POLN: variants seen among roughly 807,000 people sequenced by gnomAD.
POLN encodes DNA polymerase N.
Under a neutral mutation model 113.5 loss-of-function variants are expected in POLN, and 108 were observed. The observed-to-expected ratio is 0.95, with a 90% CI of 0.81 to 1.12. The LOEUF is 1.12. Among genes scored for constraint, POLN ranks in the 50% most tolerant of loss-of-function variants. The probability of loss-of-function intolerance (pLI) is 0.00; values close to 1 mark genes in which losing one functional copy is unlikely to be tolerated. For missense variants in POLN, 1,097 were observed against 1,077.1 expected, an observed-to-expected ratio of 1.02 and a Z score of -0.26; for synonymous variants, 386 against 391.5, an observed-to-expected ratio of 0.99 and a Z score of 0.17.
At chr4:2,090,048 AT>A in intron 20 of POLN, 1 of 896,388 alleles carries the variant, frequency 1.1e-6, no homozygotes, top group Non-Finnish European at 1.8e-6. Context: ...CTGAAGAATT[AT>A]GAGATAATCC....
intron 3 of POLN, among the ~76,000 whole-genome samples, chr4:2,220,803 CAGGAG>C (rs1194094037): frequency 6.6e-6 from 1 of 152,090 alleles, no homozygotes; most frequent in African/African-American, 2.4e-5. Context: ...ACTTAATGAC[CAGGAG>C]AGGAGGAGGG....
chr4:2,218,769 G>A (rs1328759574), intron 3 of POLN, among the ~76,000 whole-genome samples: 1 of 152,286 alleles, frequency 6.6e-6, no homozygotes, highest in East Asian at 1.9e-4. Context: ...TCATATACCT[G>A]AGGCCTTGTT....
At chr4:2,165,969 G>A (rs1732719124) in intron 13 of POLN, among the ~76,000 whole-genome samples, 1 of 152,004 alleles carries the variant, frequency 6.6e-6, no homozygotes, top group Non-Finnish European at 1.5e-5. Flanking sequence ...TAGAGAAATG[G>A]TCTCACTATG....
At chr4:2,215,936 C>T (rs1052484355) in intron 3 of POLN, among the ~76,000 whole-genome samples, 5 of 152,344 alleles carry the variant, frequency 3.3e-5, no homozygotes, top group East Asian at 1.9e-4. Flanking sequence ...CTTAGCTTAC[C>T]TGATCAGGTA....
chr4:2,235,689 A>T (rs1028738550), intron 2 of POLN, among the ~76,000 whole-genome samples: 3 of 152,262 alleles, frequency 2.0e-5, no homozygotes, highest in African/African-American at 7.2e-5. Context: ...TACCACCACC[A>T]GTATAATAAC....
intron 3 of POLN, among the ~76,000 whole-genome samples, chr4:2,219,125 A>C (rs1734190975): frequency 6.6e-6 from 1 of 152,168 alleles, no homozygotes; most frequent in Non-Finnish European, 1.5e-5. Flanking sequence ...CAGTCTGTTC[A>C]TTCCAAATAA....
intron 8 of POLN, 141 bp downstream of exon 8, chr4:2,179,167 G>T: frequency 1.2e-6 from 1 of 843,364 alleles, no homozygotes; most frequent in Non-Finnish European, 1.8e-6. Flanking sequence ...AAATGCCAAG[G>T]TCACAACTAT....
intron 19 of POLN, among the ~76,000 whole-genome samples, chr4:2,102,565 C>T (rs1218229681): frequency 6.6e-6 from 1 of 152,210 alleles, no homozygotes. Context: ...CAGGACATCA[C>T]TAGTACAAAT....
chr4:2,204,188 C>A (rs1733787979), intron 5 of POLN, among the ~76,000 whole-genome samples: 1 of 146,790 alleles, frequency 6.8e-6, no homozygotes, highest in Admixed American at 6.8e-5. Context: ...AATTGATAGA[C>A]CATTACCAAG....
At chr4:2,191,930 T>C (rs1733460266) in intron 7 of POLN, among the ~76,000 whole-genome samples, 1 of 151,964 alleles carries the variant, frequency 6.6e-6, no homozygotes, top group Non-Finnish European at 1.5e-5. Flanking sequence ...CTGGCCAGCA[T>C]GGTGAAACCC....
chr4:2,143,761 C>T (rs1303545089), intron 16 of POLN, among the ~76,000 whole-genome samples: 1 of 152,096 alleles, frequency 6.6e-6, no homozygotes, highest in East Asian at 1.9e-4. Context: ...AACATACACA[C>T]AAAATCCTTT....
intron 3 of POLN, chr4:2,228,168 T>A (rs1734446588): frequency 6.3e-6 from 1 of 159,496 alleles, no homozygotes; most frequent in African/African-American, 2.4e-5. Flanking sequence ...TATACCTTAT[T>A]TTGTAGAAAG....
At chr4:2,090,248 A>T in intron 20 of POLN, 1 of 799,764 alleles carries the variant, frequency 1.3e-6, no homozygotes, top group Non-Finnish European at 2.1e-6. Context: ...TCTACATGCT[A>T]TCTTGTTCCA....
chr4:2,188,870 ATG>A (rs962880331), intron 7 of POLN, among the ~76,000 whole-genome samples: 3 of 152,166 alleles, frequency 2.0e-5, no homozygotes, highest in African/African-American at 7.2e-5. Context: ...AAAAGTCAAA[ATG>A]TGTGTAGGGG....
intron 20 of POLN, 113 bp from the exon 21 acceptor site, chr4:2,085,857 G>T: frequency 1.4e-6 from 2 of 1,442,668 alleles, no homozygotes; most frequent in Non-Finnish European, 1.9e-6. Context: ...GATGGGTTGG[G>T]ATGGAGTTGG....
intron 3 of POLN, among the ~76,000 whole-genome samples, chr4:2,217,768 C>T (rs1734147093): frequency 6.6e-6 from 1 of 152,254 alleles, no homozygotes; most frequent in African/African-American, 2.4e-5. Flanking sequence ...CCTCTAACAT[C>T]ACAAGGTCTG....
chr4:2,225,968 G>A (rs765230763), intron 3 of POLN, among the ~76,000 whole-genome samples: 2 of 151,738 alleles, frequency 1.3e-5, no homozygotes, highest in African/African-American at 2.4e-5. Context: ...CAGCCTGGGC[G>A]ACAGAGCAAG....
chr4:2,129,629 ATCC>A (rs1169427737), intron 17 of POLN, among the ~76,000 whole-genome samples: 4 of 152,312 alleles, frequency 2.6e-5, no homozygotes, highest in Non-Finnish European at 4.4e-5. Flanking sequence ...GACTTAAGCA[ATCC>A]TCCTGCCTTG....
chr4:2,235,753 A>C (rs1253820369), intron 2 of POLN, among the ~76,000 whole-genome samples: 2 of 152,212 alleles, frequency 1.3e-5, no homozygotes, highest in Non-Finnish European at 2.9e-5. Context: ...AGGAATATAT[A>C]TATATGTGTG....
Sources: gnomAD v4.1 joint callset for allele counts (sites outside exome capture counted in the v4.1 genomes callset) on GRCh38, gnomAD v4.1.1 for gene constraint, MANE v1.5 for transcripts, NCBI Gene and HGNC (gene_info 2026-07-23, HGNC 2026-07-21) for gene names.